Variants in SLC25A46 observed in about 807,000 individuals in gnomAD.
SLC25A46 encodes the protein mitochondrial outer membrane protein SLC25A46.
In SLC25A46, 39 loss-of-function variants were observed where a neutral mutation model predicts 44.6. That is an observed-to-expected ratio of 0.87 (90% CI 0.68 to 1.14). The LOEUF is 1.14. Ranked by LOEUF, SLC25A46 falls within the 50% of genes most tolerant of loss-of-function variation. The probability of loss-of-function intolerance (pLI) is 0.00; values close to 1 mark genes in which losing one functional copy is unlikely to be tolerated. For missense variants in SLC25A46, 547 were observed against 522.7 expected, an observed-to-expected ratio of 1.05 and a Z score of -0.45; for synonymous variants, 202 against 185.8, an observed-to-expected ratio of 1.09 and a Z score of -0.71.
At chr5:110,756,681 A>C (rs1800121506) in intron 6 of SLC25A46, 21 bp from the exon 7 acceptor site, 2 of 1,543,294 alleles carry the variant, frequency 1.3e-6, no homozygotes. Flanking sequence ...TATACTGATA[A>C]ATTTGTTTTA....
rs529894687 is a variant in SLC25A46, at chr5:110,744,347, G to A, written c.384+560G>A. ...GTTTCTTAAAGGTTATTTGCAATGTGAAATCAGAAATCATTTTAGTGAACT... is the reference window on the plus strand; with the variant it reads ...GTTTCTTAAAGGTTATTTGCAATGTAAAATCAGAAATCATTTTAGTGAACT... On this transcript the variant is annotated intron_variant, in intron 3 of 7. Coordinates refer to ENST00000355943, the MANE Select transcript of SLC25A46 (RefSeq NM_138773.4). Among the ~76,000 whole-genome samples the A allele has an allele frequency of 1.4e-3, 209 of 152,262 alleles. 3 individuals are homozygous for A. Among genetic ancestry groups the A allele is most frequent in the Admixed American group, 4.6e-4 (7 of 15,300 alleles).
Position 110,742,164 on chromosome 5 carries a change from A to G in SLC25A46, c.326+75A>G, listed in dbSNP as rs1160154633. The G allele has an allele frequency of 8.9e-6, 9 of 1,010,342 alleles. No individual in the cohort carries two copies. In the Admixed American group the frequency reaches 1.9e-4, roughly 22 times the overall value. 62.6% of individuals were successfully genotyped at this position (1,010,342 alleles called of 1,614,324 possible). ...GTTTTTCTTTAATTTACAATATTAA[A>G]TGATTATTATTGCTTCCTTTAGGTT... On this transcript the variant is annotated intron_variant, in intron 2 of 7. Coordinates refer to ENST00000355943, the MANE Select transcript of SLC25A46 (RefSeq NM_138773.4).
chr5:110,756,444 G>T lies in SLC25A46; in HGVS notation c.621-258G>T, dbSNP rs146305802. On this transcript the variant is annotated intron_variant, in intron 6 of 7. Coordinates refer to ENST00000355943, the MANE Select transcript of SLC25A46 (RefSeq NM_138773.4). ...TTATAGGCTGCATTAGCTATGTGTA[G>T]GTAGATGTCCAATCTATTTTCTTTG... Among the ~76,000 whole-genome samples, 1,059 of 152,058 alleles carry T rather than the reference G, an allele frequency of 7.0e-3. 5 individuals are homozygous for T. The highest frequency in any genetic ancestry group is 0.02 in the Middle Eastern group (6 of 294).
At chr5:110,743,124 A>G (rs1049042629) in intron 2 of SLC25A46, among the ~76,000 whole-genome samples, 3 of 152,034 alleles carry the variant, frequency 2.0e-5, no homozygotes, top group African/African-American at 7.2e-5. Context: ...ATGTATGTAT[A>G]TGTCACTCTG....
At position 110,742,950 on chromosome 5, in the gene SLC25A46, C is replaced by T. The variant is rs114437738; in HGVS notation, c.327-780C>T. Among the ~76,000 whole-genome samples, 860 of 152,022 alleles carry T rather than the reference C, an allele frequency of 5.7e-3. 9 individuals are homozygous for T. Among genetic ancestry groups the T allele is most frequent in the African/African-American group, 0.02 (811 of 41,514 alleles). ...ATGATCATTATTTTAAACATTTTAA[C>T]GAAGAAAAACACCTTATTTGCATAA... On this transcript the variant is annotated intron_variant, in intron 2 of 7. Transcript: ENST00000355943.
upstream of SLC25A46, among the ~76,000 whole-genome samples, chr5:110,738,464 C>A (rs140497161): frequency 1.4e-4 from 21 of 152,294 alleles, no homozygotes; most frequent in African/African-American, 4.1e-4. Context: ...CTTTCACCCC[C>A]GACGTGCACT....
chr5:110,748,334 T>C (rs528550974), intron 5 of SLC25A46, 71 bp downstream of exon 5: 7 of 1,222,130 alleles, frequency 5.7e-6, no homozygotes, highest in Non-Finnish European at 8.4e-6. Flanking sequence ...GCGGTACATG[T>C]GCAGGCTTGT....
intron 5 of SLC25A46, among the ~76,000 whole-genome samples, chr5:110,750,007 A>G (rs562159961): frequency 1.3e-5 from 2 of 152,072 alleles, no homozygotes; most frequent in Non-Finnish European, 2.9e-5. Flanking sequence ...AATTTTTTGC[A>G]TTGTTAAAGA....
At chr5:110,754,664 T>G (rs1800061290) in intron 5 of SLC25A46, 1 of 152,110 alleles carries the variant, frequency 6.6e-6, no homozygotes, top group South Asian at 2.1e-4. Context: ...TTTGAACATT[T>G]TCCTGTGATC....
At chr5:110,757,052 A>G in intron 7 of SLC25A46, 1 of 238,386 alleles carries the variant, frequency 4.2e-6, no homozygotes, top group Non-Finnish European at 7.9e-6. Context: ...GAATCTATAA[A>G]CTTTTTAAGG....
rs1295091261 is a variant in SLC25A46, at chr5:110,739,224, C to T, written c.105C>T (p.Thr35=). ...CCTTCCCTGCAAGGTCCTTCAGCAC[C>T]GGGTCGGACCTGGGCCACTGGGTGA... ...GGAFPARSFS[T]GSDLGHWVTT... is the part of the protein sequence containing the mutation. The change falls in exon 1 of 8, where the codon ACC becomes ACT. Residue 35 remains threonine, a synonymous_variant. Transcript: ENST00000355943. The T allele has an allele frequency of 2.2e-5, 34 of 1,575,738 alleles. No homozygotes were observed. Among genetic ancestry groups the T allele is most frequent in the Non-Finnish European group, 2.9e-5 (34 of 1,161,230 alleles).
chr5:110,757,032 T>A, intron 7 of SLC25A46: 1 of 269,942 alleles, frequency 3.7e-6, no homozygotes, highest in African/African-American at 2.2e-5. Flanking sequence ...TAACTTGCTC[T>A]GAAAACAAAG....
intron 5 of SLC25A46, chr5:110,753,233 T>G (rs1321152506): frequency 6.6e-6 from 1 of 151,796 alleles, no homozygotes; most frequent in Admixed American, 6.6e-5. Context: ...GTTTAGATGG[T>G]TGGCTCTGAC....
rs200143217 is a variant in SLC25A46, at chr5:110,748,258, G to A, written c.558G>A (p.Leu186=). 9.7e-5 allele frequency: 157 copies of A among 1,612,542 alleles called. 1 individual carries two copies. The East Asian group carries it at 3.5e-3, about 36-fold the overall frequency. The change falls in exon 5 of 8, where the codon TTG becomes TTA. Residue 186 remains leucine (L), a synonymous_variant. Coordinates refer to ENST00000355943, the MANE Select transcript of SLC25A46 (RefSeq NM_138773.4). Reference sequence around the variant, plus strand: ...GCATAATTAGTGAATTTACACCTTTGCCAAGGTACCATTTTTAGCATTTCT... The same window carrying A: ...GCATAATTAGTGAATTTACACCTTTACCAAGGTACCATTTTTAGCATTTCT... ...AEGIISEFTP[L]PREVLHKWSP...
intron 7 of SLC25A46, among the ~76,000 whole-genome samples, chr5:110,759,819 T>C (rs1800204328): frequency 6.6e-6 from 1 of 152,026 alleles, no homozygotes; most frequent in Non-Finnish European, 1.5e-5. Flanking sequence ...GATGTCAGGG[T>C]CAGAAGTAGG....
At chr5:110,754,752 G>A (rs958781532) in intron 5 of SLC25A46, 1 of 151,980 alleles carries the variant, frequency 6.6e-6, no homozygotes. Flanking sequence ...GTTCTTCTTT[G>A]TATCAAATAA....
chr5:110,740,434 A>T (rs1038115897), intron 1 of SLC25A46, among the ~76,000 whole-genome samples: 1 of 151,832 alleles, frequency 6.6e-6, no homozygotes, highest in Admixed American at 6.6e-5. Flanking sequence ...TAGCTTTTTG[A>T]CTCTTCCCGG....
Position 110,761,265 on chromosome 5 carries a change from T to G in SLC25A46, c.740T>G (p.Val247Gly). Residue 247 changes from valine (V) to glycine (G), a missense_variant, in exon 8 of 8, where the codon GTG (valine) becomes GGG (glycine). Physicochemically the swap from Val to Gly is moderately radical, Grantham distance 109. Transcript: ENST00000355943. This position sits in a 1 kb window ranked among gnomAD's most constrained non-coding sequence, Gnocchi z 5.3. The stretch of plus-strand genomic sequence containing the variant: ...TGTGTTAAAGAAGGAATTGGAAGAG[T>G]GATAGGCATGGGAGTGCCTCATAGC... ...LECVKEGIGR[V>G]IGMGVPHSKR... is the part of the protein sequence containing the mutation. 1.2e-6 allele frequency: 2 copies of G among 1,613,474 alleles called. No homozygotes were observed. The highest frequency in any genetic ancestry group is 1.7e-6 in the Non-Finnish European group (2 of 1,179,656).
chr5:110,750,672 A>G (rs1028713091), intron 5 of SLC25A46, among the ~76,000 whole-genome samples: 1 of 152,222 alleles, frequency 6.6e-6, no homozygotes, highest in South Asian at 2.1e-4. Context: ...AAGAAAGAAA[A>G]AAACTCTGTA....
Sources: allele counts gnomAD v4.1 joint callset (sites outside exome capture counted in the v4.1 genomes callset), GRCh38; gene constraint gnomAD v4.1.1; non-coding constraint Gnocchi (gnomAD v3.1); transcripts MANE v1.5; gene names NCBI Gene and HGNC (gene_info 2026-07-23, HGNC 2026-07-21).